Variants in CDC20B observed in about 807,000 individuals in gnomAD.
CDC20B encodes the protein cell division cycle protein 20 homolog B.
In CDC20B, 58 loss-of-function variants were observed where a neutral mutation model predicts 64.1. The observed-to-expected ratio is 0.90, with a 90% confidence interval of 0.73 to 1.13. The LOEUF is 1.13. Ranked by LOEUF, CDC20B falls within the 50% of genes most tolerant of loss-of-function variation. CDC20B has a pLI of 0.00. For missense variants in CDC20B, 597 were observed against 633.0 expected (o/e 0.94, Z 0.61); for synonymous variants, 243 against 230.6 (o/e 1.05, Z -0.49).
At chr5:55,160,926 A>C (rs1744013441) in intron 2 of CDC20B, 1 of 1,517,650 alleles carries the variant, frequency 6.6e-7, no homozygotes. Flanking sequence ...TAGGATTTTA[A>C]CTACTTGCAG....
At chr5:55,149,681 T>C (rs1743606411) in intron 2 of CDC20B, among the ~76,000 whole-genome samples, 1 of 152,122 alleles carries the variant, frequency 6.6e-6, no homozygotes, top group African/African-American at 2.4e-5. Flanking sequence ...AGAACACAGA[T>C]TGGTCATTGT....
chr5:55,117,958 T>C (rs1474488277), intron 11 of CDC20B, among the ~76,000 whole-genome samples: 1 of 151,790 alleles, frequency 6.6e-6, no homozygotes, highest in Non-Finnish European at 1.5e-5. Flanking sequence ...CTACTAAAAA[T>C]ACACACAAAA....
intron 2 of CDC20B, among the ~76,000 whole-genome samples, chr5:55,149,333 C>A (rs1025949599): frequency 6.6e-6 from 1 of 152,040 alleles, no homozygotes; most frequent in African/African-American, 2.4e-5. Flanking sequence ...AAAGATAAAC[C>A]TAGAATTACC....
At chr5:55,172,367 G>A in intron 2 of CDC20B, 1 of 505,484 alleles carries the variant, frequency 2.0e-6, no homozygotes. Context: ...ATCCTTTGCT[G>A]TGGAGGCAGA....
At chr5:55,117,070 A>G (rs768090791) in intron 11 of CDC20B, among the ~76,000 whole-genome samples, 1 of 152,240 alleles carries the variant, frequency 6.6e-6, no homozygotes, top group Non-Finnish European at 1.5e-5. Context: ...ATAGTCATAA[A>G]TGAGACCACA....
At chr5:55,159,910 A>C (rs1425237883) in intron 2 of CDC20B, among the ~76,000 whole-genome samples, 1 of 152,238 alleles carries the variant, frequency 6.6e-6, no homozygotes, top group Non-Finnish European at 1.5e-5. Context: ...TCTTCTGGCG[A>C]AATATTTTCT....
intron 2 of CDC20B, among the ~76,000 whole-genome samples, chr5:55,158,131 G>A (rs1297134760): frequency 6.6e-6 from 1 of 152,150 alleles, no homozygotes; most frequent in Non-Finnish European, 1.5e-5. Context: ...AGGAGATCCT[G>A]TAAAAGTACA....
intron 9 of CDC20B, among the ~76,000 whole-genome samples, chr5:55,123,997 C>T (rs1742816991): frequency 6.6e-6 from 1 of 152,150 alleles, no homozygotes; most frequent in African/African-American, 2.4e-5. Context: ...TAAGGTAGAA[C>T]CATTTCTTTG....
chr5:55,132,357 T>C (rs886343963), intron 6 of CDC20B, among the ~76,000 whole-genome samples: 1 of 152,172 alleles, frequency 6.6e-6, no homozygotes, highest in African/African-American at 2.4e-5. Context: ...CTGGATTCAA[T>C]CATAATCATC....
intron 6 of CDC20B, among the ~76,000 whole-genome samples, chr5:55,131,523 G>A (rs1428435878): frequency 6.6e-6 from 1 of 152,140 alleles, no homozygotes; most frequent in Non-Finnish European, 1.5e-5. Flanking sequence ...CCAAAAGAGT[G>A]GGATATCAAG....
Position 55,114,412 on chromosome 5 carries a change from A to C in CDC20B, c.1460-94T>G. The C allele has an allele frequency of 6.6e-7, 1 of 1,513,746 alleles. No homozygotes were observed. The highest frequency in any genetic ancestry group is 8.8e-7 in the Non-Finnish European group (1 of 1,130,030). The allele number at this position is 1,513,746 out of a possible 1,614,324, so 93.8% of individuals were successfully genotyped here. A position where few individuals can be genotyped will look rare whatever the true frequency, so the allele number is the denominator to read the frequency against. ...AATGTAAGTTGGGGCCATGAGTCCC[A>C]TCCCAGGATAAAGGGCTTTCCCACA... On this transcript the variant is annotated intron_variant, in intron 11 of 11. Transcript: ENST00000381375. This position sits in a 1 kb window ranked among gnomAD's most constrained non-coding sequence, Gnocchi z 4.1.
chr5:55,124,752 C>A, intron 9 of CDC20B, 51 bp downstream of exon 9: 1 of 1,426,860 alleles, frequency 7.0e-7, no homozygotes, highest in Non-Finnish European at 9.8e-7. Context: ...GTGAAGGATA[C>A]CCAGTGGCCT....
At chr5:55,144,616 A>C (rs1381169136) in intron 3 of CDC20B, among the ~76,000 whole-genome samples, 3 of 152,246 alleles carry the variant, frequency 2.0e-5, no homozygotes, top group Admixed American at 6.5e-5. Flanking sequence ...TCAAAGTTTT[A>C]GATCTTGCTC....
chr5:55,155,349 G>A, intron 2 of CDC20B, among the ~76,000 whole-genome samples: 1 of 152,148 alleles, frequency 6.6e-6, no homozygotes, highest in South Asian at 2.1e-4. Flanking sequence ...ATATCCAGTG[G>A]GTTGGAAAAA....
At chr5:55,146,912 A>G (rs749766821) in intron 2 of CDC20B, 56 bp from the exon 3 acceptor site, 214 of 1,262,442 alleles carry the variant, frequency 1.7e-4, no homozygotes, top group Non-Finnish European at 2.4e-4. Flanking sequence ...GCAAAAGTAA[A>G]AATTCCCTAT....
intron 2 of CDC20B, among the ~76,000 whole-genome samples, chr5:55,151,478 AG>A (rs1743666357): frequency 6.6e-6 from 1 of 152,240 alleles, no homozygotes; most frequent in Admixed American, 6.5e-5. Context: ...CTTGCTCAAA[AG>A]TTTCCTTAGA....
chr5:55,162,177 C>T (rs1251505202), intron 2 of CDC20B, among the ~76,000 whole-genome samples: 1 of 150,486 alleles, frequency 6.6e-6, no homozygotes, highest in Non-Finnish European at 1.5e-5. Flanking sequence ...AGGCAGATCA[C>T]TTAAGGTCAG....
chr5:55,143,757 C>T (rs1180063612), intron 3 of CDC20B, 114 bp from the exon 4 acceptor site: 1 of 1,013,340 alleles, frequency 9.9e-7, no homozygotes. Flanking sequence ...AGCCCAGGCT[C>T]TCGTCACTCC....
intron 6 of CDC20B, among the ~76,000 whole-genome samples, chr5:55,131,729 TAA>T (rs1008719163): frequency 1.3e-4 from 20 of 152,270 alleles, no homozygotes; most frequent in African/African-American, 4.8e-4. Context: ...ATTATAAGTA[TAA>T]AGATCTTTTG....
Sources: allele counts gnomAD v4.1 joint callset (sites outside exome capture counted in the v4.1 genomes callset), GRCh38; gene constraint gnomAD v4.1.1; non-coding constraint Gnocchi (gnomAD v3.1); transcripts MANE v1.5; gene names NCBI Gene and HGNC (gene_info 2026-07-23, HGNC 2026-07-21).